ALMS1: variants seen among roughly 807,000 people sequenced by gnomAD.
The protein encoded by ALMS1 is centrosome-associated protein ALMS1.
A neutral mutation model predicts 352.2 loss-of-function variants in ALMS1; 271 were observed. The ratio of observed to expected loss-of-function variants is 0.77; its 90% CI spans 0.70 to 0.85. ALMS1 has a LOEUF of 0.85. Ranked by LOEUF, ALMS1 falls within the 40% of genes least tolerant of loss-of-function variation. ALMS1 has a pLI of 0.00. For synonymous variants in ALMS1, 1,865 were observed against 1,761.2 expected, an observed-to-expected ratio of 1.06 and a Z score of -1.48; for missense variants, 5,445 against 4,870.7, an observed-to-expected ratio of 1.12 and a Z score of -3.51.
intron 9 of ALMS1, among the ~76,000 whole-genome samples, chr2:73,467,241 G>T (rs1034399105): frequency 2.0e-5 from 3 of 152,064 alleles, no homozygotes; most frequent in Non-Finnish European, 4.4e-5. Context: ...ACATATATTT[G>T]ATAAAGGACA....
At chr2:73,519,606 A>G (rs1673629834) in intron 10 of ALMS1, among the ~76,000 whole-genome samples, 169 bp from the exon 11 acceptor site, 1 of 152,252 alleles carries the variant, frequency 6.6e-6, no homozygotes, top group Non-Finnish European at 1.5e-5. Flanking sequence ...TGTATCAAAC[A>G]AAATAAAGGG....
intron 11 of ALMS1, among the ~76,000 whole-genome samples, chr2:73,520,608 A>G (rs1025688405): frequency 2.0e-5 from 3 of 152,224 alleles, no homozygotes; most frequent in African/African-American, 7.2e-5. Flanking sequence ...AGGAGCACAT[A>G]TAGGAGATGT....
At chr2:73,407,902 T>G (rs748771039) in intron 1 of ALMS1, among the ~76,000 whole-genome samples, 5 of 152,188 alleles carry the variant, frequency 3.3e-5, no homozygotes, top group African/African-American at 4.8e-5. Flanking sequence ...TATTTTAAAG[T>G]CCTTTGGAAG....
At chr2:73,387,805 T>C (rs898931835) in intron 1 of ALMS1, among the ~76,000 whole-genome samples, 1 of 152,132 alleles carries the variant, frequency 6.6e-6, no homozygotes, top group African/African-American at 2.4e-5. Flanking sequence ...GGGCATAAAT[T>C]AGGAGACCAT....
intron 15 of ALMS1, among the ~76,000 whole-genome samples, chr2:73,560,156 T>C (rs1485741961): frequency 6.6e-6 from 1 of 152,186 alleles, no homozygotes; most frequent in African/African-American, 2.4e-5. Context: ...ATTCAGAATA[T>C]ATAAAGAACT....
At chr2:73,479,288 T>C (rs368992138) in intron 9 of ALMS1, among the ~76,000 whole-genome samples, 2 of 152,186 alleles carry the variant, frequency 1.3e-5, no homozygotes, top group Non-Finnish European at 2.9e-5. Context: ...AACCACAACG[T>C]TGATATTGAT....
intron 11 of ALMS1, among the ~76,000 whole-genome samples, chr2:73,524,839 G>A (rs7567585): frequency 0.38 from 58,174 of 151,966 alleles, 15,455 homozygotes; most frequent in African/African-American, 0.76. Context: ...GATTATATCT[G>A]ACTATATTTT....
rs574757598 is a variant in ALMS1, at chr2:73,449,589, A to T, written c.3062A>T (p.Tyr1021Phe). The change falls in exon 8 of 23, where the codon TAT becomes TTT. Residue 1021 changes from tyrosine (Y) to phenylalanine (F), a missense_variant. Coordinates refer to ENST00000613296, the MANE Select transcript of ALMS1 (RefSeq NM_001378454.1). ...IFYQQEWPDSYATEKALKVST... is the reference protein window; with the variant it reads ...IFYQQEWPDSFATEKALKVST... ...TATCAACAGGAGTGGCCAGATAGTTATGCAACTGAAAAGGCTCTGAAAGTT... is the reference window on the plus strand; with the variant it reads ...TATCAACAGGAGTGGCCAGATAGTTTTGCAACTGAAAAGGCTCTGAAAGTT... 12 of 1,614,100 alleles carry T rather than the reference A, an allele frequency of 7.4e-6. No individual in the cohort carries two copies. The highest frequency in any genetic ancestry group is 6.7e-5 in the African/African-American group (5 of 75,044).
chr2:73,402,261 T>C (rs1460294686), intron 1 of ALMS1, among the ~76,000 whole-genome samples: 1 of 148,300 alleles, frequency 6.7e-6, no homozygotes, highest in Non-Finnish European at 1.5e-5. Context: ...TTTCTTTCTT[T>C]CTCTCTCTCT....
chr2:73,451,355 A>G lies in ALMS1; in HGVS notation c.4828A>G (p.Ile1610Val), dbSNP rs1365788629. 6 of 1,613,892 alleles carry G rather than the reference A, an allele frequency of 3.7e-6. No individual in the cohort carries two copies. The Admixed American group carries it at 6.7e-5, about 18-fold the overall frequency. ...TGGACCTACTGAAAAAAAGACTGAC[A>G]TACCAGCAGGACCTTTAGGTTCCAG... ...VSGPTEKKTD[I>V]PAGPLGSSAL... is the part of the protein sequence containing the mutation. Residue 1610 changes from isoleucine to valine, a missense_variant, in exon 8 of 23, where the codon ATA (isoleucine) becomes GTA (valine). Physicochemically the swap from Ile to Val is conservative, Grantham distance 29. Coordinates refer to ENST00000613296, the MANE Select transcript of ALMS1 (RefSeq NM_001378454.1).
intron 12 of ALMS1, among the ~76,000 whole-genome samples, chr2:73,545,338 G>A (rs1382042320): frequency 4.6e-5 from 7 of 151,744 alleles, no homozygotes; most frequent in East Asian, 1.9e-4. Flanking sequence ...CCACCACCAC[G>A]CCCAGCTAAT....
At chr2:73,476,815 C>T (rs1370647133) in intron 9 of ALMS1, among the ~76,000 whole-genome samples, 1 of 152,020 alleles carries the variant, frequency 6.6e-6, no homozygotes, top group Non-Finnish European at 1.5e-5. Flanking sequence ...TGGATATTAA[C>T]CTTGCATCAG....
At chr2:73,506,570 GT>G (rs541664503) in intron 10 of ALMS1, among the ~76,000 whole-genome samples, 3 of 152,008 alleles carry the variant, frequency 2.0e-5, no homozygotes, top group Non-Finnish European at 4.4e-5. Flanking sequence ...GAGTTTGCTC[GT>G]GATTTGGCTC....
intron 10 of ALMS1, among the ~76,000 whole-genome samples, chr2:73,492,968 TAA>T (rs34376546): frequency 0.087 from 12,394 of 141,940 alleles, 1,145 homozygotes; most frequent in African/African-American, 0.22. Context: ...TATTGATACT[TAA>T]AAAAAAAAAA....
chr2:73,536,892 G>A (rs986699830), intron 12 of ALMS1, among the ~76,000 whole-genome samples: 4 of 152,194 alleles, frequency 2.6e-5, no homozygotes, highest in Admixed American at 6.5e-5. Context: ...CACAGTAAGC[G>A]TTAGCATTTT....
At chr2:73,479,497 CT>C (rs1294987733) in intron 9 of ALMS1, among the ~76,000 whole-genome samples, 1 of 152,122 alleles carries the variant, frequency 6.6e-6, no homozygotes. Flanking sequence ...TTGTATTGGC[CT>C]TTTTTTCACT....
intron 2 of ALMS1, among the ~76,000 whole-genome samples, chr2:73,410,658 C>T (rs1671057311): frequency 6.6e-6 from 1 of 152,028 alleles, no homozygotes; most frequent in South Asian, 2.1e-4. Context: ...TCATTCAGTC[C>T]CTGAAAGGGT....
Position 73,542,131 on chromosome 2 carries a change from A to C in ALMS1, c.9907+7182A>C, listed in dbSNP as rs576793740. On this transcript the variant is annotated intron_variant, in intron 12 of 22. Transcript: ENST00000613296. ...GCAAAAATCCTCAATAAAATACTGG[A>C]AAACCGAATCCAGCAGCACATCAAA... 8.4e-4 allele frequency among the ~76,000 whole-genome samples: 128 copies of C among 152,304 alleles called. 1 individual carries two copies. The highest frequency in any genetic ancestry group is 2.2e-3 in the Admixed American group (34 of 15,298).
intron 15 of ALMS1, among the ~76,000 whole-genome samples, chr2:73,560,999 A>G (rs7580750): frequency 0.39 from 59,066 of 152,172 alleles, 16,001 homozygotes; most frequent in African/African-American, 0.77. Context: ...ACAAAAGGGG[A>G]TGGGCTAGCT....
Sources: allele counts gnomAD v4.1 joint callset (sites outside exome capture counted in the v4.1 genomes callset), GRCh38; gene constraint gnomAD v4.1.1; transcripts MANE v1.5; gene names NCBI Gene and HGNC (gene_info 2026-07-23, HGNC 2026-07-21).